The following SNAP29 variants were observed in gnomAD, a reference collection of about 807,000 sequenced individuals.
The protein encoded by SNAP29 is synaptosome associated protein 29.
A neutral mutation model predicts 27.9 loss-of-function variants in SNAP29; 13 were observed. The observed-to-expected ratio is 0.47, with a 90% CI of 0.30 to 0.74. SNAP29 has a LOEUF of 0.74. Ranked by LOEUF, SNAP29 falls within the 30% of genes least tolerant of loss-of-function variation. The pLI, the probability that SNAP29 is intolerant of heterozygous loss-of-function variation, is 0.06. For synonymous variants in SNAP29, 119 were observed against 127.1 expected (o/e 0.94, Z 0.43); for missense variants, 368 against 336.5 (o/e 1.09, Z -0.73).
intron 1 of SNAP29, among the ~76,000 whole-genome samples, chr22:20,860,987 T>C (rs577417207): frequency 2.8e-4 from 42 of 151,734 alleles, no homozygotes; most frequent in Admixed American, 2.0e-3. Context: ...CAGTGAGCCA[T>C]GTTCATACCA....
intron 1 of SNAP29, among the ~76,000 whole-genome samples, chr22:20,864,263 C>A (rs1305013309): frequency 2.6e-5 from 4 of 152,122 alleles, no homozygotes; most frequent in Non-Finnish European, 5.9e-5. Flanking sequence ...TGGAAAGGGA[C>A]AGAGTTTGAG....
chr22:20,873,818 A>G (rs1928653717), intron 2 of SNAP29, among the ~76,000 whole-genome samples: 1 of 150,290 alleles, frequency 6.7e-6, no homozygotes, highest in Non-Finnish European at 1.5e-5. Context: ...AAATACAAAA[A>G]TCAGCCAGGC....
intron 1 of SNAP29, among the ~76,000 whole-genome samples, chr22:20,868,715 A>G (rs1432922316): frequency 6.6e-6 from 1 of 152,236 alleles, no homozygotes; most frequent in Non-Finnish European, 1.5e-5. Flanking sequence ...CTGACAGAGC[A>G]GGAAAAATGA....
rs181773097 is a variant in SNAP29, at chr22:20,879,073, C to G, written c.435-1976C>G. ...CTGTAATCCCAGCACTTTGGGAGGC[C>G]AAGGTGGGCGGATCACGAGGTCAGG... On this transcript the variant is annotated intron_variant, in intron 2 of 4. Transcript: ENST00000215730. Among the ~76,000 whole-genome samples the G allele has an allele frequency of 3.6e-4, 54 of 152,054 alleles. No homozygotes were observed. In the South Asian group the frequency reaches 0.011, roughly 32 times the overall value.
At chr22:20,875,219 T>C (rs1486661050) in intron 2 of SNAP29, among the ~76,000 whole-genome samples, 3 of 152,192 alleles carry the variant, frequency 2.0e-5, no homozygotes, top group African/African-American at 2.4e-5. Flanking sequence ...CTGTTTGTCC[T>C]TGCTGACAGC....
intron 2 of SNAP29, among the ~76,000 whole-genome samples, chr22:20,877,983 G>A (rs985688836): frequency 2.6e-5 from 4 of 152,176 alleles, no homozygotes; most frequent in South Asian, 2.1e-4. Context: ...CACAGCTTCC[G>A]TGGGGTGAAA....
chr22:20,886,331 A>G (rs1399960848), intron 4 of SNAP29, among the ~76,000 whole-genome samples: 2 of 150,838 alleles, frequency 1.3e-5, no homozygotes, highest in African/African-American at 4.9e-5. Flanking sequence ...TTTCTTTCTG[A>G]GAGTTTTACT....
chr22:20,874,147 C>G (rs552158394), intron 2 of SNAP29, among the ~76,000 whole-genome samples: 40 of 148,274 alleles, frequency 2.7e-4, no homozygotes, highest in Middle Eastern at 3.5e-3. Flanking sequence ...TGGTGGCGGG[C>G]GCCTGTGGTC....
rs1011330501 is a variant in SNAP29 at position 20,859,037 on chromosome 22, G to A, written c.-74G>A. 7.1e-7 allele frequency: 1 copy of A among 1,403,314 alleles called. No individual in the cohort carries two copies. The allele number at this position is 1,403,314 out of a possible 1,614,324, so 86.9% of individuals were successfully genotyped here. A position where few individuals can be genotyped will look rare whatever the true frequency, so the allele number is the denominator to read the frequency against. ...CGCGACGACCGCGGGGTCGGCGGGCGGGGCGAGGCCCTGGACGGCGGCGGC... is the reference window on the plus strand; with the variant it reads ...CGCGACGACCGCGGGGTCGGCGGGCAGGGCGAGGCCCTGGACGGCGGCGGC... On this transcript the variant is annotated 5_prime_UTR_variant, in exon 1 of 5. Coordinates refer to ENST00000215730, the MANE Select transcript of SNAP29 (RefSeq NM_004782.4).
intron 2 of SNAP29, among the ~76,000 whole-genome samples, chr22:20,876,770 C>T (rs1928756469): frequency 6.6e-6 from 1 of 152,038 alleles, no homozygotes; most frequent in Non-Finnish European, 1.5e-5. Context: ...TGGGGTTTCA[C>T]CATGTTAGCC....
At chr22:20,859,391 C>A (rs757532974) in intron 1 of SNAP29, 44 bp downstream of exon 1, 1 of 1,319,792 alleles carries the variant, frequency 7.6e-7, no homozygotes, top group Non-Finnish European at 1.1e-6. Flanking sequence ...GGTCTCTGTG[C>A]TGTCAAACGG....
At chr22:20,867,149 G>A (rs1036029288) in intron 1 of SNAP29, among the ~76,000 whole-genome samples, 6 of 152,204 alleles carry the variant, frequency 3.9e-5, no homozygotes, top group African/African-American at 1.4e-4. Context: ...TCTTGTTGGG[G>A]TTCAAGGGAG....
chr22:20,880,394 T>A (rs747816446), intron 2 of SNAP29, among the ~76,000 whole-genome samples: 1 of 151,612 alleles, frequency 6.6e-6, no homozygotes, highest in Non-Finnish European at 1.5e-5. Flanking sequence ...ATATCCCAGC[T>A]ACTCGGGAGA....
intron 1 of SNAP29, among the ~76,000 whole-genome samples, chr22:20,869,474 G>A (rs1219811906): frequency 2.0e-5 from 3 of 152,170 alleles, no homozygotes; most frequent in Non-Finnish European, 2.9e-5. Context: ...AGGGTCACCC[G>A]TGTTAACAGG....
intron 2 of SNAP29, chr22:20,870,820 C>T: frequency 2.1e-6 from 1 of 479,858 alleles, no homozygotes; most frequent in Non-Finnish European, 3.8e-6. Flanking sequence ...AAATGTGACT[C>T]ACTTCACATA....
rs1356263128 is a variant in SNAP29 at position 20,889,777 on chromosome 22, T to G, written c.*1941T>G. 1 of 152,366 alleles carries G rather than the reference T, an allele frequency of 6.6e-6. No homozygotes were observed. The highest frequency in any genetic ancestry group is 2.4e-5 in the African/African-American group (1 of 41,484). 9.4% of individuals were successfully genotyped at this position (152,366 alleles called of 1,614,324 possible). ...TTATAGCTCAGACCTAAGCTAATTATTTAAAATAAATACATGTAAAGGCCA... is the reference window on the plus strand; with the variant it reads ...TTATAGCTCAGACCTAAGCTAATTAGTTAAAATAAATACATGTAAAGGCCA... On this transcript the variant is annotated 3_prime_UTR_variant, in exon 5 of 5. Transcript: ENST00000215730.
intron 2 of SNAP29, among the ~76,000 whole-genome samples, chr22:20,878,145 C>T (rs1437631208): frequency 1.3e-5 from 2 of 152,122 alleles, no homozygotes; most frequent in Non-Finnish European, 2.9e-5. Context: ...GAGGTGCTTG[C>T]CAGTATTGCT....
chr22:20,889,914 TG>T lies in SNAP29; in HGVS notation c.*2079del, dbSNP rs1439498017. On this transcript the variant is annotated 3_prime_UTR_variant, in exon 5 of 5. Transcript: ENST00000215730. The stretch of plus-strand genomic sequence containing the variant: ...CATTCCCTGTCTTTTGCTGGACTGA[TG>T]AAGCCAGTCACCCGCCCTTCTCTGT... 2 of 199,508 alleles carry T rather than the reference TG, an allele frequency of 1.0e-5. No homozygotes were observed. The highest frequency in any genetic ancestry group is 2.3e-5 in the African/African-American group (1 of 43,486). 12.4% of individuals were successfully genotyped at this position (199,508 alleles called of 1,614,324 possible).
At position 20,887,881 on chromosome 22, in the gene SNAP29, A is replaced by G. The variant is rs184813167; in HGVS notation, c.*45A>G. The G allele has an allele frequency of 3.7e-5, 59 of 1,588,012 alleles. No individual in the cohort carries two copies. The African/African-American group carries it at 6.7e-4, about 18-fold the overall frequency. Reference sequence around the variant, plus strand: ...CTATTGTGATGAAAAGATTTGAAAGATCTTTTTTTGAACTTCCAAGAAATT... The same window carrying G: ...CTATTGTGATGAAAAGATTTGAAAGGTCTTTTTTTGAACTTCCAAGAAATT... On this transcript the variant is annotated 3_prime_UTR_variant, in exon 5 of 5. Transcript: ENST00000215730.
Sources: allele counts gnomAD v4.1 joint callset (sites outside exome capture counted in the v4.1 genomes callset), GRCh38; gene constraint gnomAD v4.1.1; transcripts MANE v1.5; gene names NCBI Gene and HGNC (gene_info 2026-07-23, HGNC 2026-07-21).